Variants in C1orf21 observed in about 807,000 individuals in gnomAD.
C1orf21 encodes the protein uncharacterized protein C1orf21.
A neutral mutation model predicts 18.7 loss-of-function variants in C1orf21; 3 were observed. The ratio of observed to expected loss-of-function variants is 0.16; its 90% confidence interval spans 0.07 to 0.42. The LOEUF (loss-of-function observed/expected upper bound fraction) is 0.42. C1orf21 is among the 10% of genes least tolerant of loss of function. The pLI, the probability that C1orf21 is intolerant of heterozygous loss-of-function variation, is 0.99. For missense variants in C1orf21, 104 were observed against 143.6 expected (o/e 0.72, Z 1.41); for synonymous variants, 41 against 46.4 (o/e 0.88, Z 0.47).
chr1:184,487,986 A>G (rs1657757218), intron 2 of C1orf21, among the ~76,000 whole-genome samples: 1 of 152,222 alleles, frequency 6.6e-6, no homozygotes, highest in Admixed American at 6.5e-5. Flanking sequence ...CCTCTGACCT[A>G]TGCAGTTTGC....
chr1:184,462,966 C>T lies in C1orf21; in HGVS notation c.-124-14420C>T, dbSNP rs535442958. ...GCGTGGTGGCAGGTGCCTGTAATCCCATTTACTTGGGAGGCTGAGGCAGGA... is the reference window on the plus strand; with the variant it reads ...GCGTGGTGGCAGGTGCCTGTAATCCTATTTACTTGGGAGGCTGAGGCAGGA... On this transcript the variant is annotated intron_variant, in intron 1 of 5. Transcript: ENST00000235307. Among the ~76,000 whole-genome samples the T allele has an allele frequency of 4.0e-3, 603 of 151,442 alleles. 1 individual carries two copies. The highest frequency in any genetic ancestry group is 6.0e-3 in the Non-Finnish European group (405 of 67,916).
At chr1:184,395,693 G>A (rs1656040710) in intron 1 of C1orf21, among the ~76,000 whole-genome samples, 1 of 152,124 alleles carries the variant, frequency 6.6e-6, no homozygotes. Context: ...AGCAGACTGT[G>A]CATCCCAGTT....
At chr1:184,514,502 A>G (rs977905618) in intron 3 of C1orf21, among the ~76,000 whole-genome samples, 3 of 152,206 alleles carry the variant, frequency 2.0e-5, no homozygotes, top group African/African-American at 4.8e-5. Flanking sequence ...TTGAAGTTTG[A>G]TAATATCAGA....
intron 5 of C1orf21, among the ~76,000 whole-genome samples, chr1:184,600,530 A>T (rs1234056954): frequency 6.6e-6 from 1 of 152,174 alleles, no homozygotes; most frequent in East Asian, 1.9e-4. Context: ...CATTGCTCCC[A>T]CCTGAAATCT....
chr1:184,439,733 T>G (rs924164511), intron 1 of C1orf21, among the ~76,000 whole-genome samples: 4 of 152,104 alleles, frequency 2.6e-5, no homozygotes, highest in African/African-American at 7.2e-5. Flanking sequence ...AGAGGATCAC[T>G]TAAGTTCAGG....
chr1:184,604,911 G>C (rs1659629338), intron 5 of C1orf21, among the ~76,000 whole-genome samples: 1 of 152,192 alleles, frequency 6.6e-6, no homozygotes, highest in Non-Finnish European at 1.5e-5. Context: ...GCTCTTTAGG[G>C]AGCAAGAAGA....
At chr1:184,399,684 AGGAGG>A (rs1157037361) in intron 1 of C1orf21, among the ~76,000 whole-genome samples, 1 of 152,190 alleles carries the variant, frequency 6.6e-6, no homozygotes, top group Admixed American at 6.5e-5. Flanking sequence ...ACATCACATC[AGGAGG>A]CACACATGCC....
chr1:184,622,046 T>A lies in C1orf21; in HGVS notation c.*2490T>A, dbSNP rs1558017752. ...TGTCAAGTGATTCGTGTTTGTACTT[T>A]ATTTTTTTGTGCCTTCTGAAAGGAT... On this transcript the variant is annotated 3_prime_UTR_variant, in exon 6 of 6. Transcript: ENST00000235307. 1.3e-5 allele frequency: 2 copies of A among 152,258 alleles called. No individual in the cohort carries two copies. The highest frequency in any genetic ancestry group is 6.5e-5 in the Admixed American group (1 of 15,290). 9.4% of individuals were successfully genotyped at this position (152,258 alleles called of 1,614,324 possible). A position where few individuals can be genotyped will look rare whatever the true frequency, so the allele number is the denominator to read the frequency against.
At chr1:184,587,184 A>G (rs899041990) in intron 3 of C1orf21, among the ~76,000 whole-genome samples, 1 of 149,424 alleles carries the variant, frequency 6.7e-6, no homozygotes, top group Non-Finnish European at 1.5e-5. Context: ...TGGTTGCTGT[A>G]GTCCTGTAGC....
At chr1:184,533,573 T>A (rs1403141857) in intron 3 of C1orf21, among the ~76,000 whole-genome samples, 1 of 152,192 alleles carries the variant, frequency 6.6e-6, no homozygotes, top group Non-Finnish European at 1.5e-5. Flanking sequence ...AAAATAAATG[T>A]TCCGACATGA....
chr1:184,540,400 G>A (rs929687455), intron 3 of C1orf21, among the ~76,000 whole-genome samples: 5 of 151,872 alleles, frequency 3.3e-5, no homozygotes, highest in African/African-American at 7.2e-5. Flanking sequence ...GATTCTGGCA[G>A]CATTGGTGGC....
intron 5 of C1orf21, among the ~76,000 whole-genome samples, chr1:184,614,943 G>A (rs150453278): frequency 3.9e-5 from 6 of 152,152 alleles, no homozygotes; most frequent in Admixed American, 1.3e-4. Context: ...GACCAGTAGC[G>A]GTCCATGGCT....
Position 184,627,983 on chromosome 1 carries a change from C to G in C1orf21, c.*8427C>G, listed in dbSNP as rs1571310690. ...GTTAATGGCTACATATTTGCCCTTC[C>G]CAAGGGTATTTGCATTTTATTTAGG... On this transcript the variant is annotated 3_prime_UTR_variant, in exon 6 of 6. Transcript: ENST00000235307. 2.0e-5 allele frequency: 3 copies of G among 152,264 alleles called. No individual in the cohort carries two copies. The highest frequency in any genetic ancestry group is 2.0e-4 in the Admixed American group (3 of 15,298). 9.4% of individuals were successfully genotyped at this position (152,264 alleles called of 1,614,324 possible).
At chr1:184,469,124 C>T (rs1012532006) in intron 1 of C1orf21, among the ~76,000 whole-genome samples, 1 of 151,850 alleles carries the variant, frequency 6.6e-6, no homozygotes, top group African/African-American at 2.4e-5. Context: ...GTGGCACGTG[C>T]CTGTAGTCCC....
rs1660003495 is a variant in C1orf21 at position 184,625,995 on chromosome 1, CTGGGA to C, written c.*6442_*6446del. On this transcript the variant is annotated 3_prime_UTR_variant, in exon 6 of 6. Coordinates refer to ENST00000235307, the MANE Select transcript of C1orf21 (RefSeq NM_030806.4). ...CTTGACTGGCATTTCAGCAGCTCCA[CTGGGA>C]TGCTCTAACCCCAGTGTGTGGAGTT... 6.6e-6 allele frequency: 1 copy of C among 152,270 alleles called. No individual in the cohort carries two copies. Among genetic ancestry groups the C allele is most frequent in the African/African-American group, 2.4e-5 (1 of 41,468 alleles). The allele number at this position is 152,270 out of a possible 1,614,324, so 9.4% of individuals were successfully genotyped here. A position where few individuals can be genotyped will look rare whatever the true frequency, so the allele number is the denominator to read the frequency against.
intron 3 of C1orf21, among the ~76,000 whole-genome samples, chr1:184,520,531 CA>C (rs1213358284): frequency 6.6e-6 from 1 of 152,158 alleles, no homozygotes; most frequent in Non-Finnish European, 1.5e-5. Context: ...CAACTGCAGA[CA>C]AAGAGAACAG....
rs962473779 is a variant in C1orf21 at position 184,627,677 on chromosome 1, G to A, written c.*8121G>A. Reference sequence around the variant, plus strand: ...ATTCTGAGGCTAGCGATGCCCACTCGGATATTCCGCAGGCCCAGGTGTTTA... The same window carrying A: ...ATTCTGAGGCTAGCGATGCCCACTCAGATATTCCGCAGGCCCAGGTGTTTA... On this transcript the variant is annotated 3_prime_UTR_variant, in exon 6 of 6. Transcript: ENST00000235307. 10 of 152,174 alleles carry A rather than the reference G, an allele frequency of 6.6e-5. No individual in the cohort carries two copies. Among genetic ancestry groups the A allele is most frequent in the Admixed American group, 3.3e-4 (5 of 15,282 alleles). The allele number at this position is 152,174 out of a possible 1,614,324, so 9.4% of individuals were successfully genotyped here.
intron 1 of C1orf21, among the ~76,000 whole-genome samples, chr1:184,455,165 C>T (rs1055213312): frequency 6.6e-5 from 10 of 152,298 alleles, no homozygotes; most frequent in African/African-American, 1.9e-4. Flanking sequence ...TGTGGACTCA[C>T]GTTGCAGTGC....
intron 2 of C1orf21, among the ~76,000 whole-genome samples, chr1:184,483,897 T>TTG (rs149955842): frequency 1.3e-4 from 17 of 132,538 alleles, no homozygotes; most frequent in African/African-American, 3.4e-4. Context: ...TTTGCTGCCT[T>TTG]TGTGTGTGTG....
Sources: allele counts gnomAD v4.1 joint callset (sites outside exome capture counted in the v4.1 genomes callset), GRCh38; gene constraint gnomAD v4.1.1; transcripts MANE v1.5; gene names NCBI Gene and HGNC (gene_info 2026-07-23, HGNC 2026-07-21).